Variants in UBE2Z observed in about 807,000 individuals in gnomAD.
UBE2Z encodes the protein ubiquitin conjugating enzyme E2 Z.
A neutral mutation model predicts 32.6 loss-of-function variants in UBE2Z; 10 were observed. The ratio of observed to expected loss-of-function variants is 0.31; its 90% confidence interval spans 0.19 to 0.52. UBE2Z has a LOEUF of 0.52. UBE2Z is among the 20% of genes least tolerant of loss of function. The pLI is 0.97. For synonymous variants in UBE2Z, 183 were observed against 190.8 expected (o/e 0.96, Z 0.34); for missense variants, 343 against 480.9 (o/e 0.71, Z 2.68).
chr17:48,912,168 C>G (rs2040683468), intron 2 of UBE2Z: 1 of 151,438 alleles, frequency 6.6e-6, no homozygotes, highest in African/African-American at 2.4e-5. Flanking sequence ...GCTGCCTGAG[C>G]CACATCCTCC....
In UBE2Z at chr17:48,909,863, T is replaced by G. The variant is rs117775380; in HGVS notation, c.318-945T>G. ...ATGTCTCTGTGTCTACTTTTCAAGG[T>G]TGTAATAAAAATTAATATAATGTGT... On this transcript the variant is annotated intron_variant, in intron 1 of 6. Transcript: ENST00000360943. 4.4e-3 allele frequency among the ~76,000 whole-genome samples: 673 copies of G among 152,228 alleles called. 11 individuals carry two copies. In the East Asian group the frequency reaches 0.052, roughly 12 times the overall value.
chr17:48,927,447 G>A lies in UBE2Z; in HGVS notation c.*313G>A. 1 of 283,632 alleles carries A rather than the reference G, an allele frequency of 3.5e-6. No homozygotes were observed. Among genetic ancestry groups the A allele is most frequent in the East Asian group, 6.7e-5 (1 of 14,934 alleles). The allele number at this position is 283,632 out of a possible 1,614,324, so 17.6% of individuals were successfully genotyped here. On this transcript the variant is annotated 3_prime_UTR_variant, in exon 7 of 7. Transcript: ENST00000360943. ...AACAACCAACACACCTCTCCACAGG[G>A]CCAGCTCCTTAGGGATAAGTGGAAG...
At chr17:48,913,181 C>A (rs1176100253) in intron 3 of UBE2Z, among the ~76,000 whole-genome samples, 160 bp downstream of exon 3, 1 of 152,128 alleles carries the variant, frequency 6.6e-6, no homozygotes, top group Non-Finnish European at 1.5e-5. Context: ...TAGTATCATT[C>A]TAGATGCAGA....
chr17:48,919,789 T>A (rs1285405365), intron 4 of UBE2Z, among the ~76,000 whole-genome samples: 2 of 152,182 alleles, frequency 1.3e-5, no homozygotes, highest in East Asian at 3.8e-4. Context: ...TACTTCTGAT[T>A]TATAATAATT....
intron 3 of UBE2Z, among the ~76,000 whole-genome samples, chr17:48,915,221 T>C (rs2143763650): frequency 6.6e-6 from 1 of 152,238 alleles, no homozygotes; most frequent in Admixed American, 6.5e-5. Flanking sequence ...GCTGAAAAGA[T>C]AGAGGCACTT....
chr17:48,915,873 C>CCG (rs1555580021), intron 3 of UBE2Z: 3 of 338,502 alleles, frequency 8.9e-6, no homozygotes, highest in Admixed American at 5.6e-5. Flanking sequence ...TTGCCCCCCC[C>CCG]CCTTGATTTG....
intron 1 of UBE2Z, among the ~76,000 whole-genome samples, chr17:48,909,783 C>G (rs2040662528): frequency 6.6e-6 from 1 of 152,078 alleles, no homozygotes; most frequent in African/African-American, 2.4e-5. Flanking sequence ...TCCCCATGCC[C>G]CCATCACAAG....
chr17:48,926,957 C>G lies in UBE2Z; in HGVS notation c.895-7C>G. 3 of 1,610,320 alleles carry G rather than the reference C, an allele frequency of 1.9e-6. No homozygotes were observed. Among genetic ancestry groups the G allele is most frequent in the Non-Finnish European group, 2.5e-6 (3 of 1,178,162 alleles). On this transcript the variant is annotated splice_region_variant and splice_polypyrimidine_tract_variant and intron_variant, in intron 6 of 6. Transcript: ENST00000360943. ...ATCTTCCATCCCCTTGTCTCCTTTC[C>G]CCACAGGACCCTTTTGGAGAGAAGC...
At chr17:48,922,790 G>A (rs2040769514) in intron 5 of UBE2Z, 57 bp from the exon 6 acceptor site, 5 of 1,414,134 alleles carry the variant, frequency 3.5e-6, no homozygotes, top group Non-Finnish European at 4.9e-6. Flanking sequence ...GTTAGGTAAG[G>A]AAGGGGTGAC....
chr17:48,927,823 A>C lies in UBE2Z; in HGVS notation c.*689A>C, dbSNP rs1204343462. On this transcript the variant is annotated 3_prime_UTR_variant, in exon 7 of 7. Coordinates refer to ENST00000360943, the MANE Select transcript of UBE2Z (RefSeq NM_023079.5). ...CTTTCCTCACCCTTTTCTAGATGTA[A>C]GACAGAAAGTAAATGTGACTGGGAC... The C allele has an allele frequency of 6.5e-6, 1 of 152,680 alleles. No individual in the cohort carries two copies. Among genetic ancestry groups the C allele is most frequent in the Admixed American group, 6.5e-5 (1 of 15,284 alleles). 9.5% of individuals were successfully genotyped at this position (152,680 alleles called of 1,614,324 possible).
At chr17:48,913,816 C>A (rs951487900) in intron 3 of UBE2Z, among the ~76,000 whole-genome samples, 2 of 152,112 alleles carry the variant, frequency 1.3e-5, no homozygotes, top group South Asian at 2.1e-4. Context: ...TTGAGTCTTG[C>A]AATAAGTTGC....
chr17:48,924,306 C>T (rs2040782417), intron 6 of UBE2Z, among the ~76,000 whole-genome samples: 1 of 152,174 alleles, frequency 6.6e-6, no homozygotes, highest in Non-Finnish European at 1.5e-5. Context: ...ATGCGTTCAG[C>T]CCTCCCAGAA....
At chr17:48,921,302 C>G (rs1250536639) in intron 5 of UBE2Z, 30 bp downstream of exon 5, 1 of 1,564,064 alleles carries the variant, frequency 6.4e-7, no homozygotes, top group Non-Finnish European at 8.7e-7. Context: ...GCTTGGTATT[C>G]CTTTCGGGCA....
Position 48,928,361 on chromosome 17 carries a change from G to A in UBE2Z, c.*1227G>A, listed in dbSNP as rs1185349968. The A allele has an allele frequency of 2.0e-5, 3 of 152,418 alleles. No individual in the cohort carries two copies. The highest frequency in any genetic ancestry group is 2.4e-5 in the African/African-American group (1 of 41,352). The allele number at this position is 152,418 out of a possible 1,614,324, so 9.4% of individuals were successfully genotyped here. A position where few individuals can be genotyped will look rare whatever the true frequency, so the allele number is the denominator to read the frequency against. ...TCAGAAAAAAAAAAATGTGCTTTAGGTGCCCTGTAATCCTGGGCATCAAGG... is the reference window on the plus strand; with the variant it reads ...TCAGAAAAAAAAAAATGTGCTTTAGATGCCCTGTAATCCTGGGCATCAAGG... On this transcript the variant is annotated 3_prime_UTR_variant, in exon 7 of 7. Transcript: ENST00000360943.
chr17:48,924,524 T>C (rs955001172), intron 6 of UBE2Z, among the ~76,000 whole-genome samples: 2 of 149,580 alleles, frequency 1.3e-5, no homozygotes, highest in Middle Eastern at 3.4e-3. Context: ...TAGGCTTGTT[T>C]TAAGGAAGGA....
chr17:48,908,421 C>T lies in UBE2Z; in HGVS notation c.-83C>T. 1 of 1,169,038 alleles carries T rather than the reference C, an allele frequency of 8.6e-7. No individual in the cohort carries two copies. Among genetic ancestry groups the T allele is most frequent in the Non-Finnish European group, 1.1e-6 (1 of 934,418 alleles). 72.4% of individuals were successfully genotyped at this position (1,169,038 alleles called of 1,614,324 possible). Reference sequence around the variant, plus strand: ...GGGGTGGGGACACTCTGGCCCGGTTCTCGGTGGTGCGGGAGCGGGCGGGAG... The same window carrying T: ...GGGGTGGGGACACTCTGGCCCGGTTTTCGGTGGTGCGGGAGCGGGCGGGAG... On this transcript the variant is annotated 5_prime_UTR_variant, in exon 1 of 7. Coordinates refer to ENST00000360943, the MANE Select transcript of UBE2Z (RefSeq NM_023079.5).
At chr17:48,924,191 A>G in intron 6 of UBE2Z, among the ~76,000 whole-genome samples, 1 of 150,586 alleles carries the variant, frequency 6.6e-6, no homozygotes, top group East Asian at 2.0e-4. Flanking sequence ...TGCCCAGGCA[A>G]CTCCTGGGTT....
chr17:48,913,341 TG>T (rs1445285819), intron 3 of UBE2Z, among the ~76,000 whole-genome samples: 1 of 152,108 alleles, frequency 6.6e-6, no homozygotes, highest in African/African-American at 2.4e-5. Flanking sequence ...GCCAAAAATC[TG>T]GTTTTTTTGG....
chr17:48,922,451 G>A (rs2040766729), intron 5 of UBE2Z, among the ~76,000 whole-genome samples: 1 of 152,094 alleles, frequency 6.6e-6, no homozygotes, highest in South Asian at 2.1e-4. Context: ...CTTGGGAATG[G>A]TAGGTATTTA....
Sources: allele counts gnomAD v4.1 joint callset (sites outside exome capture counted in the v4.1 genomes callset), GRCh38; gene constraint gnomAD v4.1.1; transcripts MANE v1.5; gene names NCBI Gene and HGNC (gene_info 2026-07-23, HGNC 2026-07-21).